The following LRCH3 variants were observed in gnomAD, a reference collection of about 807,000 sequenced individuals.
LRCH3 encodes the protein leucine rich repeats and calponin homology domain containing 3.
A neutral mutation model predicts 104.5 loss-of-function variants in LRCH3; 68 were observed. The observed-to-expected ratio is 0.65, with a 90% CI of 0.54 to 0.80. The LOEUF (loss-of-function observed/expected upper bound fraction) is 0.80, where lower values mean the gene tolerates loss of function less well. Among genes scored for constraint, LRCH3 ranks in the 30% least tolerant of loss-of-function variants. The probability of loss-of-function intolerance (pLI) is 0.00; values close to 1 mark genes in which losing one functional copy is unlikely to be tolerated. For missense variants in LRCH3, 951 were observed against 953.9 expected (o/e 1.00, Z 0.04); for synonymous variants, 344 against 361.3 (o/e 0.95, Z 0.54).
At chr3:197,829,034 A>G (rs1735590668) in intron 5 of LRCH3, among the ~76,000 whole-genome samples, 2 of 152,184 alleles carry the variant, frequency 1.3e-5, no homozygotes, top group African/African-American at 2.4e-5. Context: ...TATGGCAACT[A>G]TAAAACTTTA....
intron 17 of LRCH3, among the ~76,000 whole-genome samples, chr3:197,868,175 G>A (rs969517053): frequency 5.3e-5 from 8 of 152,294 alleles, no homozygotes; most frequent in Non-Finnish European, 1.2e-4. Flanking sequence ...CACAGATTCT[G>A]TATTTATGGA....
chr3:197,862,077 C>T (rs937995127), intron 15 of LRCH3, among the ~76,000 whole-genome samples: 2 of 152,174 alleles, frequency 1.3e-5, no homozygotes, highest in Non-Finnish European at 2.9e-5. Flanking sequence ...TCACTACAAA[C>T]CTCTGCCTCC....
At chr3:197,867,803 C>G (rs1002029409) in intron 17 of LRCH3, among the ~76,000 whole-genome samples, 1 of 151,736 alleles carries the variant, frequency 6.6e-6, no homozygotes, top group Non-Finnish European at 1.5e-5. Flanking sequence ...TGCAGTGAGC[C>G]GAGATCGCAC....
intron 15 of LRCH3, among the ~76,000 whole-genome samples, chr3:197,864,842 A>G (rs1307667400): frequency 6.6e-6 from 1 of 151,454 alleles, no homozygotes; most frequent in Non-Finnish European, 1.5e-5. Flanking sequence ...CTAACATGGC[A>G]AGACACTGTC....
At chr3:197,830,227 C>T (rs57591763) in intron 6 of LRCH3, among the ~76,000 whole-genome samples, 9 of 152,302 alleles carry the variant, frequency 5.9e-5, no homozygotes, top group African/African-American at 2.2e-4. Flanking sequence ...AGGTCATCTG[C>T]TTGGCAGTCC....
chr3:197,819,684 C>T (rs1373599441), intron 3 of LRCH3, among the ~76,000 whole-genome samples: 1 of 151,502 alleles, frequency 6.6e-6, no homozygotes, highest in Non-Finnish European at 1.5e-5. Flanking sequence ...CTATTGCACT[C>T]CAGCTCGGGT....
rs1735825511 is a variant in LRCH3, at chr3:197,830,765, G to A, written c.888-5G>A. On this transcript the variant is annotated splice_region_variant and splice_polypyrimidine_tract_variant and intron_variant, in intron 6 of 20. Coordinates refer to ENST00000425562, the MANE Select transcript of LRCH3 (RefSeq NM_001365715.1). ...CTTTGCAGTAACAGAGTCTCTTTTC[G>A]GCAGCCATGAAGAACTGTACTCAAG... 3 of 1,608,600 alleles carry A rather than the reference G, an allele frequency of 1.9e-6. No individual in the cohort carries two copies. The highest frequency in any genetic ancestry group is 2.7e-5 in the African/African-American group (2 of 74,656).
In LRCH3 at chr3:197,883,578, A is replaced by G. The variant is rs1412707068; in HGVS notation, c.2246A>G (p.Lys749Arg). ...TTGCCTCTCCACATTTTAGAAGAGA[A>G]AGGTTTGAGCCAGGTTGCAGTGACG... ...LCLPLHILEEKGLSQVAVTVQ... is the reference protein window; with the variant it reads ...LCLPLHILEERGLSQVAVTVQ... Residue 749 changes from lysine (K) to arginine (R), a missense_variant, in exon 21 of 21, where the codon AAA (lysine) becomes AGA (arginine). Transcript: ENST00000425562. The surrounding 1 kb of genome is among the most constrained non-coding windows in gnomAD (Gnocchi z 4.2). 2.0e-6 allele frequency: 3 copies of G among 1,535,982 alleles called. No homozygotes were observed. In the African/African-American group the frequency reaches 4.1e-5, roughly 21 times the overall value.
chr3:197,847,506 G>T lies in LRCH3; in HGVS notation c.1380+46G>T, dbSNP rs770014655. 1.1e-5 allele frequency: 17 copies of T among 1,515,524 alleles called. 1 individual carries two copies. In the East Asian group the frequency reaches 1.4e-4, roughly 13 times the overall value. 93.9% of individuals were successfully genotyped at this position (1,515,524 alleles called of 1,614,324 possible). On this transcript the variant is annotated intron_variant, in intron 11 of 20. Transcript: ENST00000425562. Reference sequence around the variant, plus strand: ...TTATTTTTGCTTTTTAAACTAAGATGATTTTTTTTCTTTTATAATACTTAA... The same window carrying T: ...TTATTTTTGCTTTTTAAACTAAGATTATTTTTTTTCTTTTATAATACTTAA...
intron 15 of LRCH3, among the ~76,000 whole-genome samples, chr3:197,862,123 G>A (rs1304611270): frequency 6.6e-6 from 1 of 152,138 alleles, no homozygotes; most frequent in Non-Finnish European, 1.5e-5. Flanking sequence ...AGCCTCCCGA[G>A]TAGCTGCGAT....
intron 2 of LRCH3, among the ~76,000 whole-genome samples, chr3:197,816,624 T>A (rs2109193411): frequency 6.6e-6 from 1 of 152,198 alleles, no homozygotes; most frequent in East Asian, 1.9e-4. Context: ...GATTTGCATG[T>A]TTTTGTATAA....
chr3:197,845,048 G>A (rs1020873454), intron 10 of LRCH3, among the ~76,000 whole-genome samples: 4 of 152,174 alleles, frequency 2.6e-5, no homozygotes, highest in Admixed American at 2.6e-4. Flanking sequence ...GACGCAGATT[G>A]GATTGGGTGC....
chr3:197,881,752 T>G, intron 20 of LRCH3: 3 of 985,350 alleles, frequency 3.0e-6, no homozygotes, highest in Non-Finnish European at 3.6e-6. Context: ...GTTAACAAAA[T>G]TGGGATAAAG....
At chr3:197,821,951 G>A (rs1012165105) in intron 4 of LRCH3, among the ~76,000 whole-genome samples, 3 of 152,200 alleles carry the variant, frequency 2.0e-5, no homozygotes, top group Non-Finnish European at 4.4e-5. Flanking sequence ...TGGGATTATA[G>A]GCGTGAGCCA....
intron 8 of LRCH3, among the ~76,000 whole-genome samples, chr3:197,833,920 G>A (rs960275241): frequency 6.6e-6 from 1 of 152,180 alleles, no homozygotes; most frequent in Non-Finnish European, 1.5e-5. Context: ...ATGCATTTAT[G>A]TACCTGGTTT....
chr3:197,845,968 AAC>A (rs1738622106), intron 10 of LRCH3, among the ~76,000 whole-genome samples: 1 of 152,206 alleles, frequency 6.6e-6, no homozygotes, highest in Non-Finnish European at 1.5e-5. Context: ...AGGGCACATA[AAC>A]ACACTTGAGT....
In LRCH3 at chr3:197,886,804, C is replaced by CAAAAAAA. The variant is rs34476668; in HGVS notation, c.*3153_*3159dup. The CAAAAAAA allele has an allele frequency of 4.0e-5, 3 of 75,850 alleles. No homozygotes were observed. Among genetic ancestry groups the CAAAAAAA allele is most frequent in the African/African-American group, 8.2e-5 (2 of 24,272 alleles). The allele number at this position is 75,850 out of a possible 1,614,324, so 4.7% of individuals were successfully genotyped here. A position where few individuals can be genotyped will look rare whatever the true frequency, so the allele number is the denominator to read the frequency against. On this transcript the variant is annotated 3_prime_UTR_variant, in exon 21 of 21. Coordinates refer to ENST00000425562, the MANE Select transcript of LRCH3 (RefSeq NM_001365715.1). The stretch of plus-strand genomic sequence containing the variant: ...TGGGCAACAGAGCGAGACTCTGTCT[C>CAAAAAAA]AAAAAAAAAAAAAAAAAAAAACCCA...
At chr3:197,859,324 A>G (rs1237445033) in intron 15 of LRCH3, 1 of 185,890 alleles carries the variant, frequency 5.4e-6, no homozygotes, top group African/African-American at 2.4e-5. Context: ...CCACCTGTTT[A>G]TAAGTAAAGC....
intron 8 of LRCH3, among the ~76,000 whole-genome samples, chr3:197,834,884 C>T (rs1332173484): frequency 1.3e-5 from 2 of 152,176 alleles, no homozygotes; most frequent in Admixed American, 6.5e-5. Flanking sequence ...TGGCTGATGC[C>T]TGTAATCCCA....
Sources: gnomAD v4.1 joint callset for allele counts (sites outside exome capture counted in the v4.1 genomes callset) on GRCh38, gnomAD v4.1.1 for gene constraint, Gnocchi (gnomAD v3.1) non-coding constraint, MANE v1.5 for transcripts, NCBI Gene and HGNC (gene_info 2026-07-23, HGNC 2026-07-21) for gene names.